TNFRSF10C: variants seen among roughly 807,000 people sequenced by gnomAD.
The protein encoded by TNFRSF10C is TNF receptor superfamily member 10c, also known as tumor necrosis factor receptor superfamily member 10C.
TNFRSF10C carries 17 observed loss-of-function variants against 16.7 expected under a neutral mutation model. The ratio of observed to expected loss-of-function variants is 1.02; its 90% CI spans 0.70 to 1.53. The LOEUF (loss-of-function observed/expected upper bound fraction) is 1.53, where lower values mean the gene tolerates loss of function less well. Among genes scored for constraint, TNFRSF10C ranks in the 40% most tolerant of loss-of-function variants. The pLI, the probability that TNFRSF10C is intolerant of heterozygous loss-of-function variation, is 0.00. For missense variants in TNFRSF10C, 237 were observed against 329.7 expected (o/e 0.72, Z 2.18); for synonymous variants, 73 against 119.7 (o/e 0.61, Z 2.55).
chr8:23,105,915 A>G (rs913579194), intron 1 of TNFRSF10C, among the ~76,000 whole-genome samples: 1 of 152,206 alleles, frequency 6.6e-6, no homozygotes, highest in Non-Finnish European at 1.5e-5. Flanking sequence ...ATTCAGGGCT[A>G]GAGTTCTCTG....
chr8:23,107,636 A>G (rs1005868948), intron 1 of TNFRSF10C, among the ~76,000 whole-genome samples: 5 of 152,226 alleles, frequency 3.3e-5, no homozygotes, highest in African/African-American at 1.2e-4. Flanking sequence ...ATTAAAATGG[A>G]ATTCTAAAAG....
intron 1 of TNFRSF10C, among the ~76,000 whole-genome samples, chr8:23,106,821 C>G (rs915365996): frequency 7.9e-5 from 12 of 151,802 alleles, no homozygotes; most frequent in Non-Finnish European, 1.6e-4. Context: ...CCCGTCTCTA[C>G]TGAAAATACA....
chr8:23,109,970 T>A (rs10103755), intron 1 of TNFRSF10C, among the ~76,000 whole-genome samples: 1 of 148,560 alleles, frequency 6.7e-6, no homozygotes, highest in Non-Finnish European at 1.5e-5. Context: ...GCAGGACCAC[T>A]TGAGCCTGGG....
intron 1 of TNFRSF10C, chr8:23,103,426 G>A (rs1232727175): frequency 1.5e-6 from 1 of 660,982 alleles, no homozygotes; most frequent in African/African-American, 1.8e-5. Context: ...AGGGAGGGAA[G>A]TTCCAGAATC....
chr8:23,104,420 T>C (rs190752391), intron 1 of TNFRSF10C, among the ~76,000 whole-genome samples: 1 of 152,242 alleles, frequency 6.6e-6, no homozygotes, highest in African/African-American at 2.4e-5. Flanking sequence ...TTTAATTCAC[T>C]GTTGCCGCCT....
At chr8:23,115,268 C>T (rs1813958484) in intron 3 of TNFRSF10C, among the ~76,000 whole-genome samples, 1 of 152,204 alleles carries the variant, frequency 6.6e-6, no homozygotes, top group Admixed American at 6.5e-5. Context: ...CTAAACAATG[C>T]TTTTCCCCTA....
chr8:23,110,898 A>G (rs987984505), intron 1 of TNFRSF10C, among the ~76,000 whole-genome samples: 2 of 152,190 alleles, frequency 1.3e-5, no homozygotes, highest in African/African-American at 2.4e-5. Flanking sequence ...ATTAAATGCT[A>G]TTTCTGCATG....
chr8:23,110,695 G>A (rs1251724113), intron 1 of TNFRSF10C, among the ~76,000 whole-genome samples: 1 of 152,100 alleles, frequency 6.6e-6, no homozygotes, highest in South Asian at 2.1e-4. Flanking sequence ...GCTTGACAAG[G>A]TCCTTTGTAA....
chr8:23,104,769 G>A (rs988022878), intron 1 of TNFRSF10C, among the ~76,000 whole-genome samples: 1 of 152,088 alleles, frequency 6.6e-6, no homozygotes, highest in Non-Finnish European at 1.5e-5. Flanking sequence ...ATGTATTTTT[G>A]TTTCCTCATG....
chr8:23,106,766 C>A lies in TNFRSF10C; in HGVS notation c.60+3585C>A, dbSNP rs1205046114. Among the ~76,000 whole-genome samples the A allele has an allele frequency of 2.6e-5, 4 of 151,838 alleles. No homozygotes were observed. The East Asian group carries it at 7.8e-4, about 30-fold the overall frequency. ...CTTCGGGAGGTCAAGGCAGGTGGAT[C>A]ACGAGGTCAGGAGATCGAGACCATC... On this transcript the variant is annotated intron_variant, in intron 1 of 4. Transcript: ENST00000356864.
intron 4 of TNFRSF10C, 78 bp from the exon 5 acceptor site, chr8:23,116,563 G>A (rs926964295): frequency 1.8e-5 from 27 of 1,539,260 alleles, no homozygotes; most frequent in Non-Finnish European, 2.0e-5. Context: ...ACATTGGAGA[G>A]GGAGGGTGGC....
chr8:23,115,732 C>A, intron 4 of TNFRSF10C, 116 bp downstream of exon 4: 1 of 759,544 alleles, frequency 1.3e-6, no homozygotes, highest in Non-Finnish European at 2.1e-6. Context: ...TGGGGTGTCC[C>A]TGAGCCTGTG....
At chr8:23,116,479 C>T (rs983332837) in intron 4 of TNFRSF10C, among the ~76,000 whole-genome samples, 162 bp from the exon 5 acceptor site, 1 of 152,206 alleles carries the variant, frequency 6.6e-6, no homozygotes, top group Non-Finnish European at 1.5e-5. Context: ...CAGACCCTTC[C>T]CCAGCCTCAA....
intron 2 of TNFRSF10C, among the ~76,000 whole-genome samples, chr8:23,114,297 C>T (rs1293745770): frequency 1.3e-5 from 2 of 151,072 alleles, no homozygotes; most frequent in Non-Finnish European, 2.9e-5. Flanking sequence ...TGAGTGACGG[C>T]GTAAAAAAAG....
chr8:23,110,982 C>T (rs1473649109), intron 1 of TNFRSF10C, among the ~76,000 whole-genome samples: 2 of 152,148 alleles, frequency 1.3e-5, no homozygotes, highest in Admixed American at 1.3e-4. Context: ...GCATGTGCCT[C>T]TTATCCACAT....
chr8:23,115,351 G>A (rs777520563), intron 3 of TNFRSF10C, among the ~76,000 whole-genome samples, 157 bp from the exon 4 acceptor site: 17 of 152,088 alleles, frequency 1.1e-4, no homozygotes, highest in African/African-American at 3.6e-4. Context: ...CTGAAGGGTG[G>A]GTGTCCTGTA....
rs183117770 is a variant in TNFRSF10C, at chr8:23,106,855, C to T, written c.60+3674C>T. ...CAAAACAATTAGCGGAGTGTGGTGG[C>T]GGGTGCCTGTAGTCCCAGCTACTGG... On this transcript the variant is annotated intron_variant, in intron 1 of 4. Coordinates refer to ENST00000356864, the MANE Select transcript of TNFRSF10C (RefSeq NM_003841.5). 1.9e-3 allele frequency among the ~76,000 whole-genome samples: 291 copies of T among 150,878 alleles called. 1 individual carries two copies. The highest frequency in any genetic ancestry group is 6.9e-3 in the African/African-American group (281 of 41,004).
In TNFRSF10C at chr8:23,111,831, C is replaced by T. The variant is rs184766318; in HGVS notation, c.166+6C>T. 6.2e-7 allele frequency: 1 copy of T among 1,612,662 alleles called. No homozygotes were observed. Among genetic ancestry groups the T allele is most frequent in the East Asian group, 2.2e-5 (1 of 44,866 alleles). On this transcript the variant is annotated splice_donor_region_variant and intron_variant, in intron 2 of 4. Coordinates refer to ENST00000356864, the MANE Select transcript of TNFRSF10C (RefSeq NM_003841.5). ...GGGGGAGGAGTGTCCAGCAGGTGCA[C>T]TCTTATTTTTAAAAATCAGTTTATT...
chr8:23,114,715 C>T lies in TNFRSF10C; in HGVS notation c.225C>T (p.Tyr75=), dbSNP rs61736402. The change falls in exon 3 of 5, where the codon TAC becomes TAT. Residue 75 remains tyrosine (Y), a synonymous_variant. Coordinates refer to ENST00000356864, the MANE Select transcript of TNFRSF10C (RefSeq NM_003841.5). ...ACNPCTEGVD[Y]TNASNNEPSC... Reference sequence around the variant, plus strand: ...ACCCGTGCACAGAGGGTGTGGATTACACCAACGCTTCCAACAATGAACCTT... The same window carrying T: ...ACCCGTGCACAGAGGGTGTGGATTATACCAACGCTTCCAACAATGAACCTT... 0.012 allele frequency: 20,063 copies of T among 1,613,952 alleles called. 158 individuals are homozygous for T. Among genetic ancestry groups the T allele is most frequent in the Non-Finnish European group, 0.015 (17,714 of 1,179,840 alleles).
Sources: gnomAD v4.1 joint callset for allele counts (sites outside exome capture counted in the v4.1 genomes callset) on GRCh38, gnomAD v4.1.1 for gene constraint, MANE v1.5 for transcripts, NCBI Gene and HGNC (gene_info 2026-07-23, HGNC 2026-07-21) for gene names.